Variants in RNGTT observed in about 807,000 individuals in gnomAD.
RNGTT encodes RNA guanylyltransferase and 5'-phosphatase.
RNGTT carries 33 observed loss-of-function variants against 79.3 expected under a neutral mutation model. That is an observed-to-expected ratio of 0.42 (90% CI 0.32 to 0.56). The LOEUF is 0.56. Ranked by LOEUF, RNGTT falls within the 20% of genes least tolerant of loss-of-function variation. The pLI, the probability that RNGTT is intolerant of heterozygous loss-of-function variation, is 0.17. For missense variants in RNGTT, 497 were observed against 739.1 expected (o/e 0.67, Z 3.80); for synonymous variants, 222 against 235.9 (o/e 0.94, Z 0.54).
At chr6:88,888,055 T>C (rs920619448) in intron 8 of RNGTT, among the ~76,000 whole-genome samples, 4 of 152,028 alleles carry the variant, frequency 2.6e-5, no homozygotes, top group Non-Finnish European at 5.9e-5. Flanking sequence ...AGGTCAAGGT[T>C]GCAGTGAGCA....
intron 4 of RNGTT, among the ~76,000 whole-genome samples, chr6:88,928,471 T>C (rs2127953164): frequency 6.6e-6 from 1 of 152,318 alleles, no homozygotes; most frequent in East Asian, 1.9e-4. Context: ...TTTTCTATTT[T>C]GTTCACTGAT....
intron 13 of RNGTT, among the ~76,000 whole-genome samples, chr6:88,706,474 G>A (rs2026020): frequency 1.3e-5 from 2 of 151,978 alleles, no homozygotes; most frequent in East Asian, 3.9e-4. Context: ...CTATAAGGAA[G>A]AGCACTAATA....
chr6:88,830,422 C>CA (rs1780819330), intron 11 of RNGTT, among the ~76,000 whole-genome samples: 1 of 152,082 alleles, frequency 6.6e-6, no homozygotes, highest in African/African-American at 2.4e-5. Context: ...GACACAGCTA[C>CA]AGCAGTGTTT....
chr6:88,652,744 A>T (rs2127778487), intron 14 of RNGTT, among the ~76,000 whole-genome samples: 1 of 152,284 alleles, frequency 6.6e-6, no homozygotes, highest in Middle Eastern at 3.4e-3. Flanking sequence ...AAGAAGAGTC[A>T]ACCAAAACAA....
chr6:88,831,362 A>G (rs1780858105), intron 11 of RNGTT, among the ~76,000 whole-genome samples: 1 of 152,240 alleles, frequency 6.6e-6, no homozygotes, highest in South Asian at 2.1e-4. Flanking sequence ...CAATAAATGC[A>G]GAAAAGGCCT....
intron 13 of RNGTT, among the ~76,000 whole-genome samples, chr6:88,769,171 C>T (rs960086373): frequency 4.6e-5 from 7 of 151,596 alleles, no homozygotes; most frequent in Admixed American, 4.6e-4. Flanking sequence ...GGGAGGTGTG[C>T]GGCGGGGGAA....
At chr6:88,656,603 T>C (rs1446843528) in intron 14 of RNGTT, among the ~76,000 whole-genome samples, 1 of 152,086 alleles carries the variant, frequency 6.6e-6, no homozygotes, top group African/African-American at 2.4e-5. Flanking sequence ...TCTGAAATTA[T>C]AAGCAAAAGT....
At chr6:88,698,075 CATAT>C (rs576721608) in intron 13 of RNGTT, among the ~76,000 whole-genome samples, 3 of 82,702 alleles carry the variant, frequency 3.6e-5, no homozygotes, top group African/African-American at 2.9e-4. Context: ...ATATGAAATA[CATAT>C]ATATGATATA....
At chr6:88,886,877 C>T (rs1026163096) in intron 8 of RNGTT, among the ~76,000 whole-genome samples, 1 of 151,958 alleles carries the variant, frequency 6.6e-6, no homozygotes, top group Non-Finnish European at 1.5e-5. Flanking sequence ...GAAATATTCC[C>T]TATTCTACAA....
chr6:88,717,810 A>G (rs1396807417), intron 13 of RNGTT, among the ~76,000 whole-genome samples: 1 of 151,700 alleles, frequency 6.6e-6, no homozygotes, highest in East Asian at 1.9e-4. Context: ...ACAGCAGCCC[A>G]CCCCCACCAA....
intron 6 of RNGTT, 33 bp from the exon 7 acceptor site, chr6:88,891,948 G>T: frequency 2.2e-6 from 3 of 1,373,342 alleles, no homozygotes; most frequent in Non-Finnish European, 3.0e-6. Context: ...ATAAGGGAAA[G>T]AAAAATATTT....
intron 14 of RNGTT, among the ~76,000 whole-genome samples, chr6:88,673,465 C>T (rs1774733419): frequency 6.6e-6 from 1 of 152,150 alleles, no homozygotes. Context: ...ATTGTTATCC[C>T]ATTAACTTAC....
At chr6:88,945,314 C>A (rs1371644305) in intron 1 of RNGTT, among the ~76,000 whole-genome samples, 1 of 152,224 alleles carries the variant, frequency 6.6e-6, no homozygotes. Flanking sequence ...AATCTGGCTT[C>A]TGATCTCACA....
At chr6:88,703,813 A>T (rs1297523280) in intron 13 of RNGTT, among the ~76,000 whole-genome samples, 2 of 152,228 alleles carry the variant, frequency 1.3e-5, no homozygotes, top group Non-Finnish European at 2.9e-5. Context: ...CTCTCAGTTT[A>T]GCTAATGTAG....
intron 13 of RNGTT, among the ~76,000 whole-genome samples, chr6:88,752,187 A>C (rs1328766123): frequency 6.6e-6 from 1 of 151,622 alleles, no homozygotes; most frequent in Non-Finnish European, 1.5e-5. Context: ...CTCTCATCAT[A>C]ATTAACTCTT....
At chr6:88,735,889 C>T (rs1375661924) in intron 13 of RNGTT, among the ~76,000 whole-genome samples, 2 of 151,872 alleles carry the variant, frequency 1.3e-5, no homozygotes, top group African/African-American at 2.4e-5. Flanking sequence ...AAACCAAAGC[C>T]TTGGTTATTT....
intron 12 of RNGTT, among the ~76,000 whole-genome samples, chr6:88,798,239 C>T (rs1041069174): frequency 2.6e-5 from 4 of 152,002 alleles, no homozygotes; most frequent in African/African-American, 4.8e-5. Context: ...CTGAGGCAGG[C>T]GGATTGCTTG....
Position 88,836,005 on chromosome 6 carries a change from CACACACACACACACACACAT to C in RNGTT, c.1269+8332_1269+8351del, listed in dbSNP as rs1241995818. 4.1e-3 allele frequency among the ~76,000 whole-genome samples: 505 copies of C among 122,286 alleles called. 6 individuals are homozygous for C. Among genetic ancestry groups the C allele is most frequent in the Non-Finnish European group, 6.0e-3 (331 of 55,232 alleles). The allele number at this position is 122,286 out of a possible 152,430, so 80.2% of individuals were successfully genotyped here. On this transcript the variant is annotated intron_variant, in intron 11 of 15. Coordinates refer to ENST00000369485, the MANE Select transcript of RNGTT (RefSeq NM_003800.5). ...ACACACACACACACACACACACACA[CACACACACACACACACACAT>C]ATATATATAAGATTTACATATATAT...
At chr6:88,667,606 C>G (rs940902748) in intron 14 of RNGTT, among the ~76,000 whole-genome samples, 2 of 152,088 alleles carry the variant, frequency 1.3e-5, no homozygotes, top group Non-Finnish European at 2.9e-5. Context: ...TTATCCAACA[C>G]GAACTGAGAA....
Sources: allele counts gnomAD v4.1 joint callset (sites outside exome capture counted in the v4.1 genomes callset), GRCh38; gene constraint gnomAD v4.1.1; transcripts MANE v1.5; gene names NCBI Gene and HGNC (gene_info 2026-07-23, HGNC 2026-07-21).